Variants in PAXBP1 observed in about 807,000 individuals in gnomAD.
PAXBP1 encodes PAX3 and PAX7 binding protein 1, also known as PAX3- and PAX7-binding protein 1.
PAXBP1 carries 44 observed loss-of-function variants against 119.9 expected under a neutral mutation model. That is an observed-to-expected ratio of 0.37 (90% CI 0.29 to 0.47). PAXBP1 has a LOEUF of 0.47. PAXBP1 is among the 20% of genes least tolerant of loss of function. The pLI is 0.99. For synonymous variants in PAXBP1, 393 were observed against 406.6 expected (o/e 0.97, Z 0.40); for missense variants, 898 against 1,134.1 (o/e 0.79, Z 2.99).
intron 3 of PAXBP1, among the ~76,000 whole-genome samples, chr21:32,764,103 A>G (rs889568933): frequency 2.0e-5 from 3 of 152,140 alleles, no homozygotes; most frequent in Admixed American, 6.5e-5. Context: ...CTACAGGACC[A>G]TTTTTCCATT....
At position 32,737,313 on chromosome 21, in the gene PAXBP1, T is replaced by C. The variant is rs1178296989; in HGVS notation, c.2577A>G (p.Leu859=). Residue 859 remains leucine (L), a synonymous_variant, in exon 17 of 18, where the codon TTA becomes TTG. Transcript: ENST00000331923. ...TACTATTTCTATAAATTGTATCCGCTAAGTGTACAAGGTATCGGCAAAAGT... is the reference window on the plus strand; with the variant it reads ...TACTATTTCTATAAATTGTATCCGCCAAGTGTACAAGGTATCGGCAAAAGT... The part of the protein sequence containing the change: ...LENFCRYLVH[L]ADTIYRNSIG... 1 of 1,602,410 alleles carries C rather than the reference T, an allele frequency of 6.2e-7. No homozygotes were observed. Among genetic ancestry groups the C allele is most frequent in the South Asian group, 1.1e-5 (1 of 89,604 alleles).
At chr21:32,740,118 C>T (rs1217082374) in intron 15 of PAXBP1, among the ~76,000 whole-genome samples, 2 of 152,068 alleles carry the variant, frequency 1.3e-5, no homozygotes, top group Admixed American at 6.5e-5. Context: ...ATCTGCCTCC[C>T]ATTCTATTCA....
At chr21:32,747,389 GA>G (rs1160090684) in intron 11 of PAXBP1, among the ~76,000 whole-genome samples, 1 of 152,154 alleles carries the variant, frequency 6.6e-6, no homozygotes, top group Non-Finnish European at 1.5e-5. Flanking sequence ...TGGAGCTCAG[GA>G]AGGCTGACAC....
At chr21:32,745,797 A>G in intron 11 of PAXBP1, 79 bp from the exon 12 acceptor site, 1 of 1,543,706 alleles carries the variant, frequency 6.5e-7, no homozygotes, top group South Asian at 1.2e-5. Flanking sequence ...AGAAACAAGA[A>G]CTGGATTTAA....
chr21:32,755,452 C>T (rs1944924561), intron 7 of PAXBP1, 99 bp from the exon 8 acceptor site: 1 of 1,474,216 alleles, frequency 6.8e-7, no homozygotes, highest in Non-Finnish European at 9.2e-7. Context: ...AGTACCCTCT[C>T]TATGGACAGA....
chr21:32,759,382 T>C (rs1021837696), intron 6 of PAXBP1, 113 bp from the exon 7 acceptor site: 2 of 1,057,916 alleles, frequency 1.9e-6, no homozygotes, highest in Non-Finnish European at 2.7e-6. Flanking sequence ...CATAAAAATA[T>C]TTGGAATGGC....
intron 17 of PAXBP1, 134 bp from the exon 18 acceptor site, chr21:32,735,201 T>C: frequency 6.2e-6 from 4 of 643,912 alleles, no homozygotes; most frequent in South Asian, 3.9e-5. Context: ...AGGAAACAGA[T>C]ATGCAAGCTA....
chr21:32,743,097 T>C (rs2043813238), intron 15 of PAXBP1, 151 bp downstream of exon 15: 1 of 730,860 alleles, frequency 1.4e-6, no homozygotes, highest in Non-Finnish European at 2.5e-6. Flanking sequence ...AATGAACTTT[T>C]GGAATAAAAT....
At chr21:32,767,614 T>C (rs2044263125) in intron 2 of PAXBP1, among the ~76,000 whole-genome samples, 3 of 152,204 alleles carry the variant, frequency 2.0e-5, no homozygotes. Flanking sequence ...TCCCGTGCCA[T>C]TCTCATGACA....
Position 32,759,187 on chromosome 21 carries a change from C to T in PAXBP1, c.1276G>A (p.Ala426Thr), listed in dbSNP as rs564636681. 1 of 1,614,056 alleles carries T rather than the reference C, an allele frequency of 6.2e-7. No individual in the cohort carries two copies. The highest frequency in any genetic ancestry group is 1.3e-5 in the African/African-American group (1 of 75,036). Residue 426 changes from alanine (A) to threonine (T), a missense_variant, in exon 7 of 18, where the codon GCT (alanine) becomes ACT (threonine). Ala to Thr is a moderately conservative substitution (Grantham distance 58). Around this residue, in one of 2 missense-constraint regions of PAXBP1, gnomAD observed 599 missense variants for 852.7 expected, o/e 0.70. Coordinates refer to ENST00000331923, the MANE Select transcript of PAXBP1 (RefSeq NM_016631.4). The part of the protein sequence containing the change: ...HLQSRVDSTR[A>T]IERLEGSSGG... ...GAAGACCCTTCTAATCTTTCAATAGCCCTGGTAGAGTCCACTCGGCTTTGC... is the reference window on the plus strand; with the variant it reads ...GAAGACCCTTCTAATCTTTCAATAGTCCTGGTAGAGTCCACTCGGCTTTGC...
At chr21:32,764,934 A>T (rs2044215502) in intron 2 of PAXBP1, among the ~76,000 whole-genome samples, 2 of 152,222 alleles carry the variant, frequency 1.3e-5, no homozygotes, top group South Asian at 4.1e-4. Flanking sequence ...TTAAACCCTA[A>T]GCCCATGCGA....
chr21:32,743,278 A>C lies in PAXBP1; in HGVS notation c.2304T>G (p.Phe768Leu). ...LENKNSGPYL[F>L]FQRQFWSSVK... Reference sequence around the variant, plus strand: ...CTGAAGACCAAAACTGTCGTTGAAAAAACAAGTAAGGCCCAGAATTTTTAT... The same window carrying C: ...CTGAAGACCAAAACTGTCGTTGAAACAACAAGTAAGGCCCAGAATTTTTAT... The change falls in exon 15 of 18, where the codon TTT (phenylalanine) becomes TTG (leucine). Residue 768 changes from phenylalanine to leucine, a missense_variant. Around this residue, in one of 2 missense-constraint regions of PAXBP1, gnomAD observed 599 missense variants for 852.7 expected, o/e 0.70. Coordinates refer to ENST00000331923, the MANE Select transcript of PAXBP1 (RefSeq NM_016631.4). The C allele has an allele frequency of 6.3e-7, 1 of 1,577,938 alleles. No individual in the cohort carries two copies. Among genetic ancestry groups the C allele is most frequent in the Non-Finnish European group, 8.5e-7 (1 of 1,170,184 alleles).
At chr21:32,756,145 A>G in intron 7 of PAXBP1, 1 of 331,492 alleles carries the variant, frequency 3.0e-6, no homozygotes, top group South Asian at 2.4e-5. Context: ...ATAGAATACA[A>G]AAGAACATGA....
intron 3 of PAXBP1, among the ~76,000 whole-genome samples, chr21:32,762,731 C>A (rs1002074158): frequency 6.6e-5 from 10 of 151,514 alleles, no homozygotes; most frequent in African/African-American, 2.4e-5. Flanking sequence ...CCAGCCTGGC[C>A]AACATGGTGA....
At chr21:32,741,357 T>G (rs927346269) in intron 15 of PAXBP1, 1 of 488,930 alleles carries the variant, frequency 2.0e-6, no homozygotes, top group African/African-American at 2.0e-5. Flanking sequence ...AGAAAAGGCA[T>G]ATAAATTTAT....
chr21:32,742,818 T>C, intron 15 of PAXBP1: 1 of 325,110 alleles, frequency 3.1e-6, no homozygotes, highest in East Asian at 7.9e-5. Flanking sequence ...TTAGTTATTG[T>C]TAATCTCTTA....
At position 32,751,669 on chromosome 21, in the gene PAXBP1, G is replaced by T. The variant is rs147880198; in HGVS notation, c.1508-451C>A. On this transcript the variant is annotated intron_variant, in intron 8 of 17. Transcript: ENST00000331923. ...ATAAGAAAACAGCTTTGTTGCAAGAGTTTAATAAATTTATTGTAATTTTGC... is the reference window on the plus strand; with the variant it reads ...ATAAGAAAACAGCTTTGTTGCAAGATTTTAATAAATTTATTGTAATTTTGC... 636 of 153,488 alleles carry T rather than the reference G, an allele frequency of 4.1e-3. 3 individuals carry two copies. The highest frequency in any genetic ancestry group is 6.9e-3 in the Non-Finnish European group (473 of 68,864). The allele number at this position is 153,488 out of a possible 1,614,324, so 9.5% of individuals were successfully genotyped here.
chr21:32,756,383 T>TA, intron 7 of PAXBP1: 2 of 507,860 alleles, frequency 3.9e-6, no homozygotes, highest in Admixed American at 2.3e-5. Context: ...AAATGGAAAA[T>TA]AAAAAAAGGC....
At chr21:32,764,323 C>T (rs1291524376) in intron 3 of PAXBP1, 25 bp downstream of exon 3, 2 of 1,609,308 alleles carry the variant, frequency 1.2e-6, no homozygotes, top group East Asian at 4.5e-5. Flanking sequence ...TAGTTTAGTT[C>T]TGAGAAATAC....
Sources: gnomAD v4.1 joint callset for allele counts (sites outside exome capture counted in the v4.1 genomes callset) on GRCh38, gnomAD v4.1.1 for gene constraint, gnomAD v4.1.1 regional missense constraint, MANE v1.5 for transcripts, NCBI Gene and HGNC (gene_info 2026-07-23, HGNC 2026-07-21) for gene names.